Variants in C1QTNF3 observed in about 807,000 individuals in gnomAD.
The protein encoded by C1QTNF3 is C1q and TNF related 3, also known as complement C1q tumor necrosis factor-related protein 3.
In C1QTNF3, 26 loss-of-function variants were observed where a neutral mutation model predicts 32.6. The observed-to-expected ratio is 0.80, with a 90% confidence interval of 0.58 to 1.11. The LOEUF (loss-of-function observed/expected upper bound fraction) is 1.11, where lower values mean the gene tolerates loss of function less well. Among genes scored for constraint, C1QTNF3 ranks in the 50% least tolerant of loss-of-function variants. The pLI, the probability that C1QTNF3 is intolerant of heterozygous loss-of-function variation, is 0.00. For missense variants in C1QTNF3, 362 were observed against 398.2 expected (o/e 0.91, Z 0.77); for synonymous variants, 155 against 146.0 (o/e 1.06, Z -0.44).
chr5:34,051,272 C>G, the C1QTNF3 span, among the ~76,000 whole-genome samples: 1 of 152,148 alleles, frequency 6.6e-6, no homozygotes, highest in African/African-American at 2.4e-5. Context: ...TCAAACCATT[C>G]AACTGTTTTC....
chr5:34,172,439 G>GT, the C1QTNF3 span, among the ~76,000 whole-genome samples: 2 of 150,250 alleles, frequency 1.3e-5, no homozygotes, highest in African/African-American at 2.5e-5. Context: ...CCGGGGTTGG[G>GT]CGGGGGGGGC....
the C1QTNF3 span, among the ~76,000 whole-genome samples, chr5:34,153,853 TA>T: frequency 0.039 from 1,296 of 32,936 alleles, 13 homozygotes; most frequent in Middle Eastern, 0.053. Context: ...ACTTAGAGTA[TA>T]AAAAAAAAAA....
chr5:34,197,971 C>A, the C1QTNF3 span, among the ~76,000 whole-genome samples: 4 of 150,406 alleles, frequency 2.7e-5, no homozygotes, highest in African/African-American at 9.9e-5. Context: ...CACGGTGGCT[C>A]ACATCTGTAA....
chr5:34,024,214 G>A (rs370912923), intron 4 of C1QTNF3: 7 of 503,118 alleles, frequency 1.4e-5, no homozygotes, highest in Non-Finnish European at 2.5e-5. Context: ...TGTGTATCCC[G>A]AATAAGACTT....
At chr5:34,046,724 G>A (rs939797055), upstream of C1QTNF3, among the ~76,000 whole-genome samples, 1 of 152,128 alleles carries the variant, frequency 6.6e-6, no homozygotes, top group Non-Finnish European at 1.5e-5. Flanking sequence ...AACAAATAGG[G>A]AGAACATGTA....
At chr5:34,137,069 C>T in the C1QTNF3 span, among the ~76,000 whole-genome samples, 1 of 150,944 alleles carries the variant, frequency 6.6e-6, no homozygotes, top group East Asian at 2.0e-4. Flanking sequence ...ATGGGTGCAG[C>T]AAACCAACAC....
At chr5:34,055,043 G>GA in the C1QTNF3 span, among the ~76,000 whole-genome samples, 1 of 152,140 alleles carries the variant, frequency 6.6e-6, no homozygotes, top group African/African-American at 2.4e-5. Flanking sequence ...ACCAGGCTTC[G>GA]AAAAATGCAG....
the C1QTNF3 span, among the ~76,000 whole-genome samples, chr5:34,235,159 G>C: frequency 1.3e-5 from 2 of 151,916 alleles, no homozygotes; most frequent in Admixed American, 1.3e-4. Flanking sequence ...TTTGCTTCAG[G>C]GCTGGGTTCC....
At chr5:34,061,443 C>T in the C1QTNF3 span, among the ~76,000 whole-genome samples, 1 of 152,214 alleles carries the variant, frequency 6.6e-6, no homozygotes, top group East Asian at 1.9e-4. Flanking sequence ...AGTGCTCTGA[C>T]CCCACATTTC....
At chr5:34,125,254 C>A in the C1QTNF3 span, among the ~76,000 whole-genome samples, 2 of 151,994 alleles carry the variant, frequency 1.3e-5, no homozygotes. Flanking sequence ...ACCCAAGGGT[C>A]CATGCATATA....
the C1QTNF3 span, among the ~76,000 whole-genome samples, chr5:34,135,119 T>C: frequency 6.6e-6 from 1 of 152,234 alleles, no homozygotes; most frequent in African/African-American, 2.4e-5. Flanking sequence ...TTGAACGTTT[T>C]CAGCATGAAG....
the C1QTNF3 span, among the ~76,000 whole-genome samples, chr5:34,160,338 T>C: frequency 2.0e-5 from 3 of 152,194 alleles, no homozygotes; most frequent in Admixed American, 6.5e-5. Flanking sequence ...CAAAAGGATA[T>C]TGCCCCAAAT....
In C1QTNF3 at chr5:34,040,449, G is replaced by A. The variant is rs139035173; in HGVS notation, c.303+2374C>T. 3.4e-4 allele frequency among the ~76,000 whole-genome samples: 51 copies of A among 152,134 alleles called. No individual in the cohort carries two copies. The Middle Eastern group carries it at 0.014, about 41-fold the overall frequency. ...AGGGAAGTGGGAGGAGGGAGAAATG[G>A]GTATCCGGGAGAAGGAGGGGAGATT... is the stretch of plus-strand genomic sequence containing the variant. On this transcript the variant is annotated intron_variant, in intron 1 of 5. Transcript: ENST00000382065.
chr5:34,125,021 G>C, the C1QTNF3 span, among the ~76,000 whole-genome samples: 8 of 152,182 alleles, frequency 5.3e-5, no homozygotes, highest in African/African-American at 1.9e-4. Flanking sequence ...CTGACTCCAA[G>C]AGGTGATGGA....
chr5:34,052,543 A>C, the C1QTNF3 span, among the ~76,000 whole-genome samples: 1 of 152,228 alleles, frequency 6.6e-6, no homozygotes, highest in Non-Finnish European at 1.5e-5. Flanking sequence ...CCTGAGTTTG[A>C]GTTCCATCTC....
At chr5:34,160,653 G>A in the C1QTNF3 span, among the ~76,000 whole-genome samples, 3 of 152,016 alleles carry the variant, frequency 2.0e-5, no homozygotes, top group East Asian at 5.8e-4. Flanking sequence ...TGTGACCTTG[G>A]CCAATATTTA....
the C1QTNF3 span, among the ~76,000 whole-genome samples, chr5:34,091,973 G>T: frequency 6.6e-6 from 1 of 151,644 alleles, no homozygotes; most frequent in East Asian, 1.9e-4. Flanking sequence ...ACTACAAGAT[G>T]ATTAAAAAAG....
At chr5:34,067,324 C>A in the C1QTNF3 span, among the ~76,000 whole-genome samples, 1,390 of 152,344 alleles carry the variant, frequency 9.1e-3, 13 homozygotes, top group South Asian at 0.055. Context: ...TTAAGCAACA[C>A]CCCACTCTAC....
the C1QTNF3 span, chr5:34,166,925 A>G: frequency 1.3e-5 from 2 of 152,154 alleles, no homozygotes; most frequent in African/African-American, 4.8e-5. Context: ...CAACTATCCT[A>G]CAGCTAAACC....
Sources: gnomAD v4.1 joint callset for allele counts (sites outside exome capture counted in the v4.1 genomes callset) on GRCh38, gnomAD v4.1.1 for gene constraint, MANE v1.5 for transcripts, NCBI Gene and HGNC (gene_info 2026-07-23, HGNC 2026-07-21) for gene names.